Variants in PTPRD observed in about 807,000 individuals in gnomAD.
PTPRD encodes receptor-type tyrosine-protein phosphatase delta.
Under a neutral mutation model 214.5 loss-of-function variants are expected in PTPRD, and 34 were observed. The ratio of observed to expected loss-of-function variants is 0.16; its 90% CI spans 0.12 to 0.21. The LOEUF is 0.21. PTPRD is among the 10% of genes least tolerant of loss of function. The pLI is 1.00. For missense variants in PTPRD, 2,545 were observed against 2,398.7 expected (o/e 1.06, Z -1.27); for synonymous variants, 1,128 against 845.7 (o/e 1.33, Z -5.79).
At position 10,258,065 on chromosome 9, in the gene PTPRD, G is replaced by C. The variant is rs113758973; in HGVS notation, c.-545+82898C>G. 4.4e-3 allele frequency among the ~76,000 whole-genome samples: 675 copies of C among 152,264 alleles called. 9 individuals carry two copies. Among genetic ancestry groups the C allele is most frequent in the African/African-American group, 0.015 (615 of 41,558 alleles). On this transcript the variant is annotated intron_variant, in intron 3 of 45. Coordinates refer to ENST00000381196, the MANE Select transcript of PTPRD (RefSeq NM_002839.4). ...TGGAGAGAAAGTGAGTCAGTCGGTA[G>C]ATTTCAATTTTCCTTAATTCTAGCC... is the stretch of plus-strand genomic sequence containing the variant.
Position 8,733,527 on chromosome 9 carries a change from G to A in PTPRD, c.64+253C>T, listed in dbSNP as rs144274211. Among the ~76,000 whole-genome samples the A allele has an allele frequency of 4.4e-3, 666 of 151,970 alleles. 6 individuals carry two copies. The highest frequency in any genetic ancestry group is 0.015 in the African/African-American group (619 of 41,460). ...TATCTTTGCTACCAGGCTGATAAGA[G>A]GTATAAAAAAATAAATAAACAGGAG... On this transcript the variant is annotated intron_variant, in intron 12 of 45. Coordinates refer to ENST00000381196, the MANE Select transcript of PTPRD (RefSeq NM_002839.4).
At chr9:9,351,935 G>GCTT (rs1233742680) in intron 9 of PTPRD, among the ~76,000 whole-genome samples, 5 of 151,904 alleles carry the variant, frequency 3.3e-5, no homozygotes, top group African/African-American at 1.2e-4. Context: ...CACAGTAAGA[G>GCTT]CTTCCTCCAT....
chr9:8,852,147 C>T (rs1420268301), intron 11 of PTPRD, among the ~76,000 whole-genome samples: 1 of 152,062 alleles, frequency 6.6e-6, no homozygotes, highest in East Asian at 1.9e-4. Context: ...TTCTCCAAAC[C>T]CCAAAGCAGT....
intron 3 of PTPRD, among the ~76,000 whole-genome samples, chr9:10,311,799 T>C (rs564485557): frequency 2.0e-5 from 3 of 152,192 alleles, no homozygotes; most frequent in African/African-American, 7.2e-5. Context: ...CATAATGTGC[T>C]TTCCATCCTC....
chr9:9,869,567 T>C (rs574354752), intron 5 of PTPRD, among the ~76,000 whole-genome samples: 93 of 152,070 alleles, frequency 6.1e-4, no homozygotes, highest in Non-Finnish European at 9.7e-4. Flanking sequence ...CGGGATATAA[T>C]AGCAAGCATA....
At chr9:8,408,358 C>G (rs1427329114) in intron 35 of PTPRD, among the ~76,000 whole-genome samples, 1 of 152,044 alleles carries the variant, frequency 6.6e-6, no homozygotes, top group East Asian at 1.9e-4. Context: ...TTTGGTTTTC[C>G]TGAGCTTGAC....
intron 10 of PTPRD, among the ~76,000 whole-genome samples, chr9:9,178,156 T>G (rs1364140710): frequency 6.6e-6 from 1 of 152,086 alleles, no homozygotes; most frequent in African/African-American, 2.4e-5. Flanking sequence ...GTGAGGTTTA[T>G]GCTTAGTTTA....
chr9:9,915,500 T>G (rs747101852), intron 5 of PTPRD, among the ~76,000 whole-genome samples: 11 of 151,716 alleles, frequency 7.3e-5, no homozygotes, highest in African/African-American at 2.2e-4. Flanking sequence ...AGACAACTCA[T>G]GATTTGAATG....
chr9:9,106,019 T>C (rs1435750710), intron 10 of PTPRD, among the ~76,000 whole-genome samples: 2 of 152,016 alleles, frequency 1.3e-5, no homozygotes, highest in Non-Finnish European at 2.9e-5. Flanking sequence ...TAGGACATCA[T>C]AATTAGAAAA....
At chr9:8,877,013 G>GC (rs1276656968) in intron 11 of PTPRD, among the ~76,000 whole-genome samples, 1 of 151,348 alleles carries the variant, frequency 6.6e-6, no homozygotes, top group Non-Finnish European at 1.5e-5. Context: ...AGCAACCTCT[G>GC]CCCCCCGGGT....
chr9:8,815,035 T>C (rs1015605850), intron 11 of PTPRD, among the ~76,000 whole-genome samples: 2 of 152,182 alleles, frequency 1.3e-5, no homozygotes, highest in Non-Finnish European at 2.9e-5. Context: ...AGCTTTATTG[T>C]GGCTCCAATT....
At chr9:10,467,262 G>C (rs375849561) in intron 2 of PTPRD, among the ~76,000 whole-genome samples, 1 of 152,216 alleles carries the variant, frequency 6.6e-6, no homozygotes, top group East Asian at 1.9e-4. Context: ...TCTGCCAAAA[G>C]GGAATAAACC....
At chr9:9,027,712 G>C (rs771393278) in intron 10 of PTPRD, among the ~76,000 whole-genome samples, 2 of 151,802 alleles carry the variant, frequency 1.3e-5, no homozygotes, top group Non-Finnish European at 2.9e-5. Flanking sequence ...GGAACACTCA[G>C]GCTTAAAGGG....
rs543112783 is a variant in PTPRD, at chr9:8,689,701, A to G, written c.64+44079T>C. Among the ~76,000 whole-genome samples, 7 of 152,350 alleles carry G rather than the reference A, an allele frequency of 4.6e-5. No individual in the cohort carries two copies. In the South Asian group the frequency reaches 1.4e-3, roughly 32 times the overall value. On this transcript the variant is annotated intron_variant, in intron 12 of 45. Coordinates refer to ENST00000381196, the MANE Select transcript of PTPRD (RefSeq NM_002839.4). ...TTCAAGATGAGATTTGGGTGGGGACACAGCCAAACCATATCACACAGGATG... is the reference window on the plus strand; with the variant it reads ...TTCAAGATGAGATTTGGGTGGGGACGCAGCCAAACCATATCACACAGGATG...
chr9:9,528,136 G>C (rs1486855614), intron 8 of PTPRD, among the ~76,000 whole-genome samples: 1 of 152,224 alleles, frequency 6.6e-6, no homozygotes, highest in Non-Finnish European at 1.5e-5. Context: ...TTACAGGGCA[G>C]AGTAAGAGAG....
intron 5 of PTPRD, among the ~76,000 whole-genome samples, chr9:9,920,823 G>A (rs1342520557): frequency 2.0e-5 from 3 of 152,106 alleles, no homozygotes; most frequent in African/African-American, 7.2e-5. Context: ...GTAGAGAAGT[G>A]AATAGAAATT....
chr9:9,193,143 T>C (rs2099936269), intron 9 of PTPRD, among the ~76,000 whole-genome samples: 1 of 152,160 alleles, frequency 6.6e-6, no homozygotes, highest in African/African-American at 2.4e-5. Context: ...AGTGACCAGC[T>C]TGCATTTTAA....
At chr9:9,019,321 A>AAAGAAAGG (rs1554629442) in intron 10 of PTPRD, among the ~76,000 whole-genome samples, 3,196 of 87,578 alleles carry the variant, frequency 0.036, 71 homozygotes, top group Middle Eastern at 0.056. Context: ...AGAAAGAAAG[A>AAAGAAAGG]AAGAAAGAAA....
chr9:8,321,585 T>C (rs1828231997), intron 44 of PTPRD, among the ~76,000 whole-genome samples: 1 of 146,900 alleles, frequency 6.8e-6, no homozygotes, highest in Non-Finnish European at 1.5e-5. Flanking sequence ...TAAAATTATT[T>C]TATGACAAAA....
Sources: allele counts gnomAD v4.1 joint callset (sites outside exome capture counted in the v4.1 genomes callset), GRCh38; gene constraint gnomAD v4.1.1; transcripts MANE v1.5; gene names NCBI Gene and HGNC (gene_info 2026-07-23, HGNC 2026-07-21).